The following NCOA5 variants were observed in gnomAD, a reference collection of about 807,000 sequenced individuals.
NCOA5 encodes nuclear receptor coactivator 5, also known as NCoA-5.
In NCOA5, 12 loss-of-function variants were observed where a neutral mutation model predicts 59.0. The ratio of observed to expected loss-of-function variants is 0.20; its 90% CI spans 0.13 to 0.33. NCOA5 has a LOEUF of 0.33. Ranked by LOEUF, NCOA5 falls within the 10% of genes least tolerant of loss-of-function variation. The pLI, the probability that NCOA5 is intolerant of heterozygous loss-of-function variation, is 1.00. For synonymous variants in NCOA5, 270 were observed against 275.5 expected, an observed-to-expected ratio of 0.98 and a Z score of 0.20; for missense variants, 655 against 766.6, an observed-to-expected ratio of 0.85 and a Z score of 1.72.
At chr20:46,073,129 TA>T (rs1304456807) in intron 2 of NCOA5, among the ~76,000 whole-genome samples, 4 of 152,232 alleles carry the variant, frequency 2.6e-5, no homozygotes, top group African/African-American at 9.6e-5. Context: ...ATTATTCTAC[TA>T]AACTGTAAGC....
At position 46,079,278 on chromosome 20, in the gene NCOA5, G is replaced by C. The variant is rs1712478818; in HGVS notation, c.38+109C>G. On this transcript the variant is annotated intron_variant, in intron 2 of 7. Transcript: ENST00000290231. The stretch of plus-strand genomic sequence containing the variant: ...GGGTTCATGTTCTTATTGTTTGCTT[G>C]AGCGTTTCACTTGTTGGGGGGAAGA... 5.9e-6 allele frequency: 6 copies of C among 1,013,502 alleles called. No homozygotes were observed. In the South Asian group the frequency reaches 7.7e-5, roughly 13 times the overall value. The allele number at this position is 1,013,502 out of a possible 1,614,324, so 62.8% of individuals were successfully genotyped here. A position where few individuals can be genotyped will look rare whatever the true frequency, so the allele number is the denominator to read the frequency against.
At chr20:46,069,248 T>G (rs12480874) in intron 3 of NCOA5, among the ~76,000 whole-genome samples, 4,719 of 152,340 alleles carry the variant, frequency 0.031, 163 homozygotes, top group Admixed American at 0.11. Context: ...CAGCCACTGG[T>G]AATCTTTAAT....
intron 1 of NCOA5, among the ~76,000 whole-genome samples, chr20:46,087,421 C>T (rs938363911): frequency 6.6e-6 from 1 of 152,196 alleles, no homozygotes; most frequent in Non-Finnish European, 1.5e-5. Flanking sequence ...AAGTTTCAAA[C>T]CAATAAATCT....
intron 3 of NCOA5, among the ~76,000 whole-genome samples, chr20:46,069,560 A>C (rs2084859258): frequency 6.6e-6 from 1 of 152,006 alleles, no homozygotes; most frequent in Admixed American, 6.6e-5. Context: ...ACACAGTGAG[A>C]CTCCACGTCT....
At chr20:46,062,952 G>T in intron 7 of NCOA5, 63 bp from the exon 8 acceptor site, 1 of 1,357,528 alleles carries the variant, frequency 7.4e-7, no homozygotes, top group South Asian at 1.4e-5. Context: ...AGGCCTAGCA[G>T]CCAAAGGAAG....
chr20:46,082,224 G>C (rs1318470754), intron 1 of NCOA5, among the ~76,000 whole-genome samples: 1 of 152,072 alleles, frequency 6.6e-6, no homozygotes. Context: ...ATGGGGTGAA[G>C]AATTCCCAAA....
chr20:46,068,721 C>CA, intron 3 of NCOA5, 83 bp from the exon 4 acceptor site: 1 of 1,383,338 alleles, frequency 7.2e-7, no homozygotes, highest in Non-Finnish European at 9.9e-7. Context: ...TGGGATTAGA[C>CA]AAATGAGGTT....
At chr20:46,066,123 G>A (rs1449936944) in intron 5 of NCOA5, among the ~76,000 whole-genome samples, 1 of 152,072 alleles carries the variant, frequency 6.6e-6, no homozygotes, top group African/African-American at 2.4e-5. Flanking sequence ...CTTGAAATTA[G>A]CTCTTTAACC....
intron 3 of NCOA5, among the ~76,000 whole-genome samples, chr20:46,069,064 G>A (rs765995938): frequency 6.6e-6 from 1 of 151,602 alleles, no homozygotes; most frequent in Non-Finnish European, 1.5e-5. Context: ...CGCCCACCTC[G>A]GCCTCCCAAA....
At chr20:46,076,156 T>C (rs1381720412) in intron 2 of NCOA5, among the ~76,000 whole-genome samples, 1 of 152,166 alleles carries the variant, frequency 6.6e-6, no homozygotes, top group Admixed American at 6.5e-5. Flanking sequence ...AATGTAGAGG[T>C]ATAACTTTAG....
At chr20:46,078,056 A>G (rs1226534008) in intron 2 of NCOA5, among the ~76,000 whole-genome samples, 1 of 152,250 alleles carries the variant, frequency 6.6e-6, no homozygotes, top group Non-Finnish European at 1.5e-5. Flanking sequence ...TCCGCAGTGA[A>G]ACCAACGAAT....
chr20:46,075,979 A>T (rs1222400950), intron 2 of NCOA5, among the ~76,000 whole-genome samples: 1 of 152,222 alleles, frequency 6.6e-6, no homozygotes, highest in East Asian at 1.9e-4. Flanking sequence ...ATATTATTGA[A>T]TAGAGAGCAA....
At chr20:46,069,995 C>T (rs2084864794) in intron 3 of NCOA5, among the ~76,000 whole-genome samples, 1 of 152,182 alleles carries the variant, frequency 6.6e-6, no homozygotes, top group East Asian at 1.9e-4. Flanking sequence ...TTCAATTTCT[C>T]CATACCTTTC....
At chr20:46,084,766 T>C (rs1054965045) in intron 1 of NCOA5, among the ~76,000 whole-genome samples, 5 of 152,140 alleles carry the variant, frequency 3.3e-5, no homozygotes, top group Non-Finnish European at 4.4e-5. Flanking sequence ...TGAGAAAAAA[T>C]GATTTTGGAT....
chr20:46,076,337 G>A (rs976920225), intron 2 of NCOA5, among the ~76,000 whole-genome samples: 4 of 152,094 alleles, frequency 2.6e-5, no homozygotes, highest in African/African-American at 4.8e-5. Context: ...ACCCAAAGGA[G>A]GTACCCAGTG....
At chr20:46,083,045 C>A (rs981280558) in intron 1 of NCOA5, among the ~76,000 whole-genome samples, 2 of 152,170 alleles carry the variant, frequency 1.3e-5, no homozygotes, top group Non-Finnish European at 2.9e-5. Flanking sequence ...TAAAACAACT[C>A]TTTTCACCTT....
chr20:46,067,674 TTAAAAA>T (rs1351809933), intron 4 of NCOA5, among the ~76,000 whole-genome samples: 1 of 151,906 alleles, frequency 6.6e-6, no homozygotes, highest in Non-Finnish European at 1.5e-5. Context: ...AAAATTAAAA[TTAAAAA>T]TGAGATTCTT....
At chr20:46,074,258 G>A (rs2084913290) in intron 2 of NCOA5, among the ~76,000 whole-genome samples, 1 of 152,140 alleles carries the variant, frequency 6.6e-6, no homozygotes, top group Admixed American at 6.6e-5. Context: ...CTAACAAAAG[G>A]GCAGTAGTAT....
At chr20:46,089,000 A>T (rs888414376) in intron 1 of NCOA5, among the ~76,000 whole-genome samples, 1 of 152,216 alleles carries the variant, frequency 6.6e-6, no homozygotes, top group Admixed American at 6.5e-5. Context: ...GGAGAAAAAA[A>T]GAGTCAGTTT....
Sources: gnomAD v4.1 joint callset for allele counts (sites outside exome capture counted in the v4.1 genomes callset) on GRCh38, gnomAD v4.1.1 for gene constraint, MANE v1.5 for transcripts, NCBI Gene and HGNC (gene_info 2026-07-23, HGNC 2026-07-21) for gene names.